The following PCDHA11 variants were observed in gnomAD, a reference collection of about 807,000 sequenced individuals.
The protein encoded by PCDHA11 is protocadherin alpha 11, also known as protocadherin alpha-11.
Under a neutral mutation model 70.3 loss-of-function variants are expected in PCDHA11, and 61 were observed. The ratio of observed to expected loss-of-function variants is 0.87; its 90% CI spans 0.71 to 1.07. PCDHA11 has a LOEUF of 1.07. PCDHA11 is among the 50% of genes least tolerant of loss of function. The probability of loss-of-function intolerance (pLI) is 0.00; values close to 1 mark genes in which losing one functional copy is unlikely to be tolerated. For missense variants in PCDHA11, 1,324 were observed against 1,237.5 expected (o/e 1.07, Z -1.05); for synonymous variants, 633 against 555.1 (o/e 1.14, Z -1.97).
chr5:140,958,204 G>T (rs2095413529), intron 1 of PCDHA11, among the ~76,000 whole-genome samples: 2 of 152,042 alleles, frequency 1.3e-5, no homozygotes, highest in South Asian at 2.1e-4. Flanking sequence ...AGTATACAAG[G>T]GAATTAGATT....
intron 1 of PCDHA11, among the ~76,000 whole-genome samples, chr5:140,924,901 A>AAAAAAAATAAAT (rs369245222): frequency 1.2e-5 from 1 of 80,456 alleles, no homozygotes; most frequent in Non-Finnish European, 2.7e-5. Flanking sequence ...TCTCAAAAAA[A>AAAAAAAATAAAT]AAAATAAAAT....
At chr5:140,884,046 A>T in intron 1 of PCDHA11, 1 of 1,613,474 alleles carries the variant, frequency 6.2e-7, no homozygotes, top group Non-Finnish European at 8.5e-7. Flanking sequence ...GTGGTGGCGA[A>T]GGTGCGCGCG....
intron 2 of PCDHA11, 125 bp downstream of exon 2, chr5:140,979,132 A>T: frequency 4.8e-6 from 7 of 1,471,500 alleles, no homozygotes; most frequent in Non-Finnish European, 6.3e-6. Context: ...TGCCAGGAAA[A>T]TGCAATTATT....
intron 3 of PCDHA11, among the ~76,000 whole-genome samples, chr5:141,002,749 A>G (rs2098093412): frequency 1.3e-5 from 2 of 152,202 alleles, no homozygotes; most frequent in South Asian, 4.1e-4. Flanking sequence ...TACATCGACA[A>G]CCCTGTGATG....
At position 140,993,185 on chromosome 5, in the gene PCDHA11, G is replaced by A. The variant is rs1393686590; in HGVS notation, c.2539+10622G>A. Among the ~76,000 whole-genome samples, 5 of 152,162 alleles carry A rather than the reference G, an allele frequency of 3.3e-5. No homozygotes were observed. The South Asian group carries it at 8.3e-4, about 25-fold the overall frequency. The stretch of plus-strand genomic sequence containing the variant: ...TTGCCTTTGGGAAATTTCTTTAGAG[G>A]GAAACTCACTAAAGCTAATTTTTTT... On this transcript the variant is annotated intron_variant, in intron 3 of 3. Transcript: ENST00000398640.
At chr5:140,884,503 AGGGAGTT>A (rs782338567) in intron 1 of PCDHA11, 2 of 1,613,940 alleles carry the variant, frequency 1.2e-6, no homozygotes, top group Non-Finnish European at 1.7e-6. Context: ...CCAGCGCGGC[AGGGAGTT>A]GGTCGTACTC....
intron 1 of PCDHA11, among the ~76,000 whole-genome samples, chr5:140,936,452 T>C (rs1447343887): frequency 2.0e-5 from 3 of 152,216 alleles, no homozygotes; most frequent in African/African-American, 7.2e-5. Flanking sequence ...ACCACATCTG[T>C]TTAGTGGTTG....
chr5:140,993,446 TCTC>T (rs1262965335), intron 3 of PCDHA11, among the ~76,000 whole-genome samples: 4 of 146,376 alleles, frequency 2.7e-5, no homozygotes, highest in Non-Finnish European at 6.0e-5. Flanking sequence ...TCATTCCTGT[TCTC>T]CTTCTTTCTT....
chr5:140,884,327 G>A (rs1400364790), intron 1 of PCDHA11: 1 of 1,613,894 alleles, frequency 6.2e-7, no homozygotes, highest in Non-Finnish European at 8.5e-7. Context: ...GGCAGGCGCT[G>A]TGGGTCCAGA....
chr5:140,982,967 T>C (rs1395576199), intron 3 of PCDHA11, among the ~76,000 whole-genome samples: 1 of 150,996 alleles, frequency 6.6e-6, no homozygotes, highest in Non-Finnish European at 1.5e-5. Flanking sequence ...CCACCCAAAG[T>C]AGTAAGGAAA....
intron 1 of PCDHA11, among the ~76,000 whole-genome samples, chr5:140,889,411 T>A (rs1262087176): frequency 6.6e-6 from 1 of 152,020 alleles, no homozygotes; most frequent in Non-Finnish European, 1.5e-5. Flanking sequence ...CTCGAGTCAG[T>A]TACGTAGATA....
rs548886698 is a variant in PCDHA11 at position 140,887,948 on chromosome 5, T to A, written c.2391+16454T>A. 7.1e-4 allele frequency among the ~76,000 whole-genome samples: 108 copies of A among 152,348 alleles called. 2 individuals carry two copies. Among genetic ancestry groups the A allele is most frequent in the Admixed American group, 7.0e-3 (107 of 15,298 alleles). On this transcript the variant is annotated intron_variant, in intron 1 of 3. Transcript: ENST00000398640. ...AGACCATATTTATTTCTTATCTGTA[T>A]AAGATTCTTTTTGTCTCTTTTAAAA... is the stretch of plus-strand genomic sequence containing the variant.
intron 1 of PCDHA11, chr5:140,876,915 C>G: frequency 6.2e-7 from 1 of 1,613,966 alleles, no homozygotes; most frequent in East Asian, 2.2e-5. Flanking sequence ...CGGCATGGGA[C>G]GCGGACGCGC....
At chr5:140,997,374 A>G (rs1296402204) in intron 3 of PCDHA11, among the ~76,000 whole-genome samples, 1 of 152,212 alleles carries the variant, frequency 6.6e-6, no homozygotes, top group Non-Finnish European at 1.5e-5. Flanking sequence ...TAGATGATAT[A>G]GCATACTACA....
At chr5:140,881,953 T>G in intron 1 of PCDHA11, 1 of 335,146 alleles carries the variant, frequency 3.0e-6, no homozygotes, top group Non-Finnish European at 5.4e-6. Context: ...AAGGTAAACA[T>G]TTAATCTTCA....
chr5:140,973,666 A>G (rs531003588), intron 1 of PCDHA11, among the ~76,000 whole-genome samples: 8 of 152,322 alleles, frequency 5.3e-5, no homozygotes, highest in African/African-American at 1.9e-4. Flanking sequence ...TATTTATTGT[A>G]GCTTGAATGT....
intron 1 of PCDHA11, among the ~76,000 whole-genome samples, chr5:140,955,267 T>C (rs1189039296): frequency 6.6e-6 from 1 of 152,140 alleles, no homozygotes; most frequent in Non-Finnish European, 1.5e-5. Context: ...AGGCTCTTTT[T>C]TGGTTCCATA....
chr5:140,887,728 C>T (rs1313632263), intron 1 of PCDHA11, among the ~76,000 whole-genome samples: 1 of 151,970 alleles, frequency 6.6e-6, no homozygotes, highest in Non-Finnish European at 1.5e-5. Context: ...TTTTTCTTTC[C>T]TTCCATCCTT....
intron 1 of PCDHA11, chr5:140,883,514 G>A: frequency 6.2e-7 from 1 of 1,614,220 alleles, no homozygotes; most frequent in Non-Finnish European, 8.5e-7. Context: ...CCTGGACCGC[G>A]AGAGCGTATC....
Sources: allele counts gnomAD v4.1 joint callset (sites outside exome capture counted in the v4.1 genomes callset), GRCh38; gene constraint gnomAD v4.1.1; transcripts MANE v1.5; gene names NCBI Gene and HGNC (gene_info 2026-07-23, HGNC 2026-07-21).